The following STK32B variants were observed in gnomAD, a reference collection of about 807,000 sequenced individuals.
STK32B encodes the protein serine/threonine kinase 32B, also known as serine/threonine-protein kinase 32B.
STK32B carries 43 observed loss-of-function variants against 52.6 expected under a neutral mutation model. The observed-to-expected ratio is 0.82, with a 90% confidence interval of 0.64 to 1.05. STK32B has a LOEUF of 1.05. STK32B is among the 50% of genes least tolerant of loss of function. STK32B has a pLI of 0.00. For synonymous variants in STK32B, 238 were observed against 204.3 expected (o/e 1.17, Z -1.41); for missense variants, 621 against 534.6 (o/e 1.16, Z -1.59).
chr4:5,086,306 G>A (rs545566391), intron 1 of STK32B, among the ~76,000 whole-genome samples: 1 of 152,318 alleles, frequency 6.6e-6, no homozygotes, highest in South Asian at 2.1e-4. Context: ...CTGGCTGAGT[G>A]TTGAGGGTGT....
intron 3 of STK32B, among the ~76,000 whole-genome samples, chr4:5,211,267 C>G (rs577239279): frequency 6.6e-6 from 1 of 152,308 alleles, no homozygotes; most frequent in Non-Finnish European, 1.5e-5. Flanking sequence ...CCTCAGAACT[C>G]TTCCCTAGGT....
At chr4:5,289,685 A>ATTTTTT (rs56211807) in intron 3 of STK32B, among the ~76,000 whole-genome samples, 1 of 86,882 alleles carries the variant, frequency 1.2e-5, no homozygotes. Flanking sequence ...TGCCCGGCTA[A>ATTTTTT]TTTTTTTTTT....
intron 3 of STK32B, among the ~76,000 whole-genome samples, chr4:5,311,426 A>C (rs1283244097): frequency 4.6e-5 from 7 of 152,186 alleles, no homozygotes; most frequent in African/African-American, 1.7e-4. Flanking sequence ...TGAAAGAATG[A>C]AATAATAAAC....
intron 3 of STK32B, among the ~76,000 whole-genome samples, chr4:5,317,606 C>T (rs1731190713): frequency 7.3e-6 from 1 of 136,956 alleles, no homozygotes; most frequent in Non-Finnish European, 1.5e-5. Context: ...ACCACTGAAG[C>T]AACACTCAGT....
chr4:5,353,420 G>A (rs554478847), intron 4 of STK32B, among the ~76,000 whole-genome samples: 1 of 151,940 alleles, frequency 6.6e-6, no homozygotes, highest in Non-Finnish European at 1.5e-5. Context: ...AAACTAAAAA[G>A]CTTCTTCACA....
In STK32B at chr4:5,188,244, C is replaced by T. The variant is rs527850786; in HGVS notation, c.260+19794C>T. ...CTGTGCAGATGGAGGCCACGATGCT[C>T]GATGACCGAGCAATTTTATGTGAAG... On this transcript the variant is annotated intron_variant, in intron 3 of 11. Coordinates refer to ENST00000282908, the MANE Select transcript of STK32B (RefSeq NM_018401.3). 2.4e-3 allele frequency among the ~76,000 whole-genome samples: 365 copies of T among 152,240 alleles called. 1 individual carries two copies. Among genetic ancestry groups the T allele is most frequent in the African/African-American group, 7.9e-3 (329 of 41,530 alleles).
chr4:5,061,921 T>C (rs1353341047), intron 1 of STK32B, among the ~76,000 whole-genome samples: 1 of 152,246 alleles, frequency 6.6e-6, no homozygotes, highest in East Asian at 1.9e-4. Flanking sequence ...TTCTTTGAAC[T>C]TTCCTTTCTC....
intron 4 of STK32B, among the ~76,000 whole-genome samples, chr4:5,382,151 A>T (rs1379159409): frequency 6.6e-6 from 1 of 152,170 alleles, no homozygotes. Context: ...ACTGACTTAA[A>T]TGTTAATCTT....
At chr4:5,249,441 ACCTTCCTTCCTTCCTTCCTT>A (rs149485895) in intron 3 of STK32B, among the ~76,000 whole-genome samples, 8,168 of 137,390 alleles carry the variant, frequency 0.059, 360 homozygotes, top group Middle Eastern at 0.07. Flanking sequence ...CTTCCTACCT[ACCTTCCTTCCTTCCTTCCTT>A]CCTTCCTTCC....
chr4:5,377,693 A>G (rs1403693501), intron 4 of STK32B, among the ~76,000 whole-genome samples: 2 of 152,142 alleles, frequency 1.3e-5, no homozygotes, highest in South Asian at 2.1e-4. Flanking sequence ...TGTTCTGGTG[A>G]TAGTGAGTGA....
chr4:5,495,076 G>A (rs944811361), intron 11 of STK32B, among the ~76,000 whole-genome samples: 8 of 152,124 alleles, frequency 5.3e-5, no homozygotes, highest in African/African-American at 1.9e-4. Flanking sequence ...TTCTCGAGGA[G>A]TATCTTTGTG....
chr4:5,140,280 C>G (rs756573694), intron 2 of STK32B: 1 of 1,368,778 alleles, frequency 7.3e-7, no homozygotes, highest in South Asian at 1.2e-5. Context: ...GCAGCTCTTT[C>G]CAGCAACATA....
intron 3 of STK32B, among the ~76,000 whole-genome samples, chr4:5,215,989 C>T (rs1387991335): frequency 6.6e-6 from 1 of 152,130 alleles, no homozygotes; most frequent in African/African-American, 2.4e-5. Flanking sequence ...CCAAAGTTGG[C>T]CTGCAAAGAA....
chr4:5,060,395 GCTTT>G (rs1318195517), intron 1 of STK32B, among the ~76,000 whole-genome samples: 25 of 151,982 alleles, frequency 1.6e-4, no homozygotes, highest in Admixed American at 1.6e-3. Context: ...GGTAATTTGT[GCTTT>G]CTTTTTCATC....
At chr4:5,065,724 A>C (rs1025264364) in intron 1 of STK32B, among the ~76,000 whole-genome samples, 2 of 152,180 alleles carry the variant, frequency 1.3e-5, no homozygotes, top group Non-Finnish European at 2.9e-5. Context: ...ACAGTGACTC[A>C]GTAATTTTTT....
intron 6 of STK32B, 85 bp from the exon 7 acceptor site, chr4:5,446,588 A>G (rs902100094): frequency 1.7e-6 from 2 of 1,182,054 alleles, no homozygotes; most frequent in African/African-American, 3.1e-5. Flanking sequence ...AAACAAGCTC[A>G]ATTTCTCTCC....
intron 7 of STK32B, among the ~76,000 whole-genome samples, chr4:5,455,515 G>C (rs1716424983): frequency 6.6e-6 from 1 of 152,188 alleles, no homozygotes; most frequent in African/African-American, 2.4e-5. Context: ...GATCCTACTG[G>C]TTTGCAGGGC....
intron 4 of STK32B, among the ~76,000 whole-genome samples, chr4:5,369,555 C>A (rs1388674326): frequency 6.6e-6 from 1 of 152,098 alleles, no homozygotes. Flanking sequence ...GACTCTTTAG[C>A]CCCTCTCTTG....
the STK32B span, among the ~76,000 whole-genome samples, chr4:5,043,247 T>C: frequency 6.6e-6 from 1 of 152,188 alleles, no homozygotes; most frequent in African/African-American, 2.4e-5. Flanking sequence ...ATTCCAAATG[T>C]TCATTGAGTC....
Sources: gnomAD v4.1 joint callset for allele counts (sites outside exome capture counted in the v4.1 genomes callset) on GRCh38, gnomAD v4.1.1 for gene constraint, MANE v1.5 for transcripts, NCBI Gene and HGNC (gene_info 2026-07-23, HGNC 2026-07-21) for gene names.